Variants in CUX1 observed in about 807,000 individuals in gnomAD.
CUX1 encodes the protein protein CASP.
Under a neutral mutation model 158.8 loss-of-function variants are expected in CUX1, and 31 were observed. The observed-to-expected ratio is 0.20, with a 90% CI of 0.15 to 0.26. CUX1 has a LOEUF of 0.26. Among genes scored for constraint, CUX1 ranks in the 10% least tolerant of loss-of-function variants. The pLI is 1.00. For missense variants in CUX1, 1,589 were observed against 2,014.6 expected, an observed-to-expected ratio of 0.79 and a Z score of 4.04; for synonymous variants, 879 against 862.1, an observed-to-expected ratio of 1.02 and a Z score of -0.34.
chr7:101,856,450 A>G (rs1350482513), intron 1 of CUX1, among the ~76,000 whole-genome samples: 1 of 152,206 alleles, frequency 6.6e-6, no homozygotes, highest in Admixed American at 6.5e-5. Context: ...GGTCCCATCA[A>G]GAAGTCTGGT....
chr7:102,164,954 A>C (rs1410520093), intron 9 of CUX1, among the ~76,000 whole-genome samples: 1 of 152,040 alleles, frequency 6.6e-6, no homozygotes, highest in Non-Finnish European at 1.5e-5. Context: ...ATATAAAACC[A>C]GGGACTTCAA....
At chr7:102,052,770 G>A (rs191447751) in intron 3 of CUX1, among the ~76,000 whole-genome samples, 3 of 152,150 alleles carry the variant, frequency 2.0e-5, no homozygotes, top group African/African-American at 7.2e-5. Flanking sequence ...ATGTAGGAGG[G>A]TTCCAGTTCA....
chr7:102,039,660 C>CA (rs951801289), intron 3 of CUX1, among the ~76,000 whole-genome samples: 2,418 of 90,294 alleles, frequency 0.027, 48 homozygotes, highest in African/African-American at 0.073. Context: ...GTCTCTATTT[C>CA]AAAAAAAAAA....
chr7:102,266,669 G>A (rs573437235), intron 14 of CUX1, among the ~76,000 whole-genome samples: 1 of 152,188 alleles, frequency 6.6e-6, no homozygotes, highest in East Asian at 1.9e-4. Context: ...AAGGAAACAG[G>A]GCAGAGCAGC....
intron 2 of CUX1, among the ~76,000 whole-genome samples, chr7:101,922,558 T>C (rs1301430555): frequency 1.3e-5 from 2 of 152,222 alleles, no homozygotes. Flanking sequence ...ACACCAGTTC[T>C]CTGGGCCCAT....
At chr7:101,958,632 C>G (rs1023986464) in intron 2 of CUX1, among the ~76,000 whole-genome samples, 1 of 151,356 alleles carries the variant, frequency 6.6e-6, no homozygotes, top group African/African-American at 2.4e-5. Context: ...AGGTGCGCAC[C>G]ACCATGCCTG....
intron 2 of CUX1, among the ~76,000 whole-genome samples, chr7:101,931,920 G>A (rs1714992071): frequency 6.6e-6 from 1 of 152,218 alleles, no homozygotes; most frequent in South Asian, 2.1e-4. Flanking sequence ...TAGATTTGGA[G>A]AGGCTTTAGA....
rs2132148404 is a variant in CUX1, at chr7:102,211,930, G to C, written c.3130+6760G>C. Among the ~76,000 whole-genome samples the C allele has an allele frequency of 1.3e-5, 2 of 152,272 alleles. 1 individual carries two copies. Among genetic ancestry groups the C allele is most frequent in the Middle Eastern group, 6.8e-3 (2 of 294 alleles). ...AAGTCCCGGCTGATGAGATGAGGCT[G>C]GGGGGCCGCCCCAAGAGCCACAGGA... On this transcript the variant is annotated intron_variant, in intron 20 of 23. Coordinates refer to ENST00000292535, the MANE Select transcript of CUX1 (RefSeq NM_181552.4).
chr7:101,841,100 A>G (rs939786903), intron 1 of CUX1, among the ~76,000 whole-genome samples: 2 of 151,776 alleles, frequency 1.3e-5, no homozygotes, highest in African/African-American at 2.4e-5. Context: ...TCACCGTGTT[A>G]GGCAGGATGG....
intron 1 of CUX1, among the ~76,000 whole-genome samples, chr7:101,850,881 C>G (rs77374217): frequency 3.5e-4 from 54 of 152,222 alleles, no homozygotes; most frequent in Non-Finnish European, 7.5e-4. Flanking sequence ...AAAGGATCAC[C>G]GGAGGCCAGG....
intron 1 of CUX1, among the ~76,000 whole-genome samples, chr7:101,914,687 C>T (rs1450075077): frequency 6.6e-6 from 1 of 151,822 alleles, no homozygotes; most frequent in African/African-American, 2.4e-5. Context: ...TTAGTACAGA[C>T]AGGGTTTCTC....
chr7:102,155,196 G>A (rs76221097), intron 8 of CUX1, among the ~76,000 whole-genome samples: 5,091 of 152,156 alleles, frequency 0.033, 123 homozygotes, highest in Middle Eastern at 0.11. Flanking sequence ...CTGTGTATGT[G>A]GACATTGGAA....
intron 4 of CUX1, among the ~76,000 whole-genome samples, chr7:102,078,500 G>A (rs57164493): frequency 0.098 from 14,905 of 152,172 alleles, 2,399 homozygotes; most frequent in African/African-American, 0.34. Flanking sequence ...GCCTCTGTCT[G>A]TGACCTGCTA....
At position 101,916,288 on chromosome 7, in the gene CUX1, C is replaced by T. The variant is rs573884793; in HGVS notation, c.141+63C>T. On this transcript the variant is annotated intron_variant, in intron 2 of 23. Coordinates refer to ENST00000292535, the MANE Select transcript of CUX1 (RefSeq NM_181552.4). The surrounding 1 kb of genome is among the most constrained non-coding windows in gnomAD (Gnocchi z 4.4). ...CTTAGAATGCTGGTGCATGTTCAGG[C>T]GACGCTCCGTGAGCGTTTCATTTTC... 25 of 1,059,842 alleles carry T rather than the reference C, an allele frequency of 2.4e-5. No individual in the cohort carries two copies. Among genetic ancestry groups the T allele is most frequent in the South Asian group, 8.8e-5 (7 of 79,488 alleles). 65.7% of individuals were successfully genotyped at this position (1,059,842 alleles called of 1,614,324 possible).
At chr7:101,894,359 G>A (rs1801229363) in intron 1 of CUX1, among the ~76,000 whole-genome samples, 1 of 152,242 alleles carries the variant, frequency 6.6e-6, no homozygotes, top group South Asian at 2.1e-4. Flanking sequence ...TGTCGCCCAG[G>A]CTGGAGTGCA....
At chr7:102,117,751 C>T (rs1554492274) in intron 8 of CUX1, among the ~76,000 whole-genome samples, 2 of 152,162 alleles carry the variant, frequency 1.3e-5, no homozygotes, top group African/African-American at 4.8e-5. Flanking sequence ...GAAGATGAGT[C>T]AAGTCAGGTT....
chr7:102,271,592 A>G (rs1554546277), intron 14 of CUX1, among the ~76,000 whole-genome samples: 1 of 152,186 alleles, frequency 6.6e-6, no homozygotes, highest in African/African-American at 2.4e-5. Context: ...GCCCAGGGCC[A>G]GCCCCAACCC....
Position 102,227,427 on chromosome 7 carries a change from G to T in CUX1, c.3191G>T (p.Ser1064Ile), listed in dbSNP as rs1460946284. ...SPAPESPMSSSESVKSLTELV... is the reference protein window; with the variant it reads ...SPAPESPMSSIESVKSLTELV... ...GCCCCTGAGTCCCCGATGAGTTCCAGTGAGTCGGTGAAGAGCCTGACCGAG... is the reference window on the plus strand; with the variant it reads ...GCCCCTGAGTCCCCGATGAGTTCCATTGAGTCGGTGAAGAGCCTGACCGAG... The change falls in exon 21 of 24, where the codon AGT becomes ATT. Residue 1064 changes from serine to isoleucine, a missense_variant. By Grantham distance (142) the Ser-to-Ile change is moderately radical. This residue lies in a region of CUX1 where 259 missense variants were observed against 373.8 expected (regional missense o/e 0.69). Transcript: ENST00000292535. 13 of 1,614,044 alleles carry T rather than the reference G, an allele frequency of 8.1e-6. No individual in the cohort carries two copies. The highest frequency in any genetic ancestry group is 1.0e-5 in the Non-Finnish European group (12 of 1,180,022).
In CUX1 at chr7:102,227,518, C is replaced by T. The variant is rs1554529019; in HGVS notation, c.3282C>T (p.Asp1094=). ...ACAGCAAGCCACCAGAGCCCAGTGA[C>T]CCGCCAGCATCCGACTCCCAGCCCA... ...SKDSKPPEPS[D]PPASDSQPTT... Residue 1094 remains aspartate (D), a synonymous_variant, in exon 21 of 24, where the codon GAC becomes GAT. Transcript: ENST00000292535. 2 of 1,614,006 alleles carry T rather than the reference C, an allele frequency of 1.2e-6. No homozygotes were observed. Among genetic ancestry groups the T allele is most frequent in the African/African-American group, 2.7e-5 (2 of 74,930 alleles).
Sources: allele counts gnomAD v4.1 joint callset (sites outside exome capture counted in the v4.1 genomes callset), GRCh38; gene constraint gnomAD v4.1.1; regional missense constraint gnomAD v4.1.1; non-coding constraint Gnocchi (gnomAD v3.1); transcripts MANE v1.5; gene names NCBI Gene and HGNC (gene_info 2026-07-23, HGNC 2026-07-21).